Variants in DCLK3 observed in about 807,000 individuals in gnomAD.
The protein encoded by DCLK3 is serine/threonine-protein kinase DCLK3.
Under a neutral mutation model 46.4 loss-of-function variants are expected in DCLK3, and 30 were observed. The observed-to-expected ratio is 0.65, with a 90% CI of 0.48 to 0.88. DCLK3 has a LOEUF of 0.88. Ranked by LOEUF, DCLK3 falls within the 40% of genes least tolerant of loss-of-function variation. The pLI is 0.00. For synonymous variants in DCLK3, 401 were observed against 339.2 expected (o/e 1.18, Z -2.00); for missense variants, 846 against 907.1 (o/e 0.93, Z 0.87).
At chr3:36,752,393 T>C (rs191874611) in intron 1 of DCLK3, among the ~76,000 whole-genome samples, 4 of 152,186 alleles carry the variant, frequency 2.6e-5, no homozygotes, top group African/African-American at 7.2e-5. Context: ...AATAATTACA[T>C]GCACAAGAAT....
At chr3:36,750,499 T>C (rs1053311077) in intron 1 of DCLK3, among the ~76,000 whole-genome samples, 1 of 152,232 alleles carries the variant, frequency 6.6e-6, no homozygotes, top group Non-Finnish European at 1.5e-5. Flanking sequence ...CCATAAATAG[T>C]TAAGACATGA....
chr3:36,743,683 A>G (rs1281319496), intron 1 of DCLK3, among the ~76,000 whole-genome samples: 1 of 152,202 alleles, frequency 6.6e-6, no homozygotes, highest in Non-Finnish European at 1.5e-5. Context: ...TCTCTCCTCA[A>G]TGCCAATCTA....
At position 36,713,213 on chromosome 3, in the gene DCLK3, A is replaced by C. The variant is rs1185215436; in HGVS notation, c.*2115T>G. 1 of 152,220 alleles carries C rather than the reference A, an allele frequency of 6.6e-6. No individual in the cohort carries two copies. Among genetic ancestry groups the C allele is most frequent in the African/African-American group, 2.4e-5 (1 of 41,446 alleles). The allele number at this position is 152,220 out of a possible 1,614,324, so 9.4% of individuals were successfully genotyped here. On this transcript the variant is annotated 3_prime_UTR_variant, in exon 5 of 5. Coordinates refer to ENST00000636136, the MANE Select transcript of DCLK3 (RefSeq NM_001394672.2). ...CACTAAGGATGCAACTACAGCTTTT[A>C]GCAACTGGAAGAAGACTGAATCTAT...
chr3:36,737,341 A>G lies in DCLK3; in HGVS notation c.1826T>C (p.Phe609Ser). ...ILEYVQGGDL[F>S]DAIIESVKFP... Reference sequence around the variant, plus strand: ...CTTCACACTTTCTATGATGGCGTCAAAAAGGTCTCCTCCCTGCACGTACTC... The same window carrying G: ...CTTCACACTTTCTATGATGGCGTCAGAAAGGTCTCCTCCCTGCACGTACTC... Residue 609 changes from phenylalanine (F) to serine (S), a missense_variant, in exon 2 of 5, where the codon TTT (phenylalanine) becomes TCT (serine). Around this residue, in one of 3 missense-constraint regions of DCLK3, gnomAD observed 247 missense variants for 322.8 expected, o/e 0.77. Transcript: ENST00000636136. This position sits in a 1 kb window ranked among gnomAD's most constrained non-coding sequence, Gnocchi z 4.4. 6.2e-7 allele frequency: 1 copy of G among 1,614,152 alleles called. No homozygotes were observed. Among genetic ancestry groups the G allele is most frequent in the East Asian group, 2.2e-5 (1 of 44,878 alleles).
intron 1 of DCLK3, among the ~76,000 whole-genome samples, chr3:36,757,248 A>G (rs1701493538): frequency 6.6e-6 from 1 of 152,086 alleles, no homozygotes; most frequent in Non-Finnish European, 1.5e-5. Flanking sequence ...CCCAAAGTGC[A>G]GTGTTTCCAT....
At chr3:36,756,034 A>G (rs925199490) in intron 1 of DCLK3, among the ~76,000 whole-genome samples, 3 of 152,164 alleles carry the variant, frequency 2.0e-5, no homozygotes, top group African/African-American at 7.2e-5. Context: ...CAACCACCCC[A>G]AAAGATTCCT....
intron 1 of DCLK3, among the ~76,000 whole-genome samples, chr3:36,760,952 G>A (rs904004532): frequency 2.6e-5 from 4 of 152,218 alleles, no homozygotes; most frequent in African/African-American, 9.7e-5. Flanking sequence ...ATCTCGCTCA[G>A]GATCACATGG....
At chr3:36,751,414 G>A (rs966005132) in intron 1 of DCLK3, among the ~76,000 whole-genome samples, 1 of 152,242 alleles carries the variant, frequency 6.6e-6, no homozygotes, top group Non-Finnish European at 1.5e-5. Context: ...TGAGATGACA[G>A]GCATAAGGTT....
At chr3:36,729,643 C>G (rs1483523435) in intron 2 of DCLK3, 1 of 152,222 alleles carries the variant, frequency 6.6e-6, no homozygotes, top group Non-Finnish European at 1.5e-5. Context: ...ATTCTCATCT[C>G]TGAACAGAAG....
intron 1 of DCLK3, among the ~76,000 whole-genome samples, chr3:36,745,689 G>A (rs1054981222): frequency 6.6e-6 from 1 of 152,212 alleles, no homozygotes; most frequent in African/African-American, 2.4e-5. Context: ...TTCTGTGGAA[G>A]ATAGAGAAAG....
At chr3:36,763,894 G>GC (rs1046208407) in intron 1 of DCLK3, among the ~76,000 whole-genome samples, 3 of 152,164 alleles carry the variant, frequency 2.0e-5, no homozygotes, top group Non-Finnish European at 2.9e-5. Context: ...CCCAGGAAGG[G>GC]CCCCCCTGCT....
intron 4 of DCLK3, 88 bp from the exon 5 acceptor site, chr3:36,715,609 T>C (rs965488235): frequency 7.0e-6 from 10 of 1,419,984 alleles, no homozygotes; most frequent in African/African-American, 1.4e-5. Context: ...ACATAAACAT[T>C]CACGTCAGCA....
At chr3:36,720,128 T>C (rs963525635) in intron 3 of DCLK3, among the ~76,000 whole-genome samples, 6 of 152,226 alleles carry the variant, frequency 3.9e-5, no homozygotes, top group African/African-American at 1.4e-4. Flanking sequence ...TACCATCCCC[T>C]TGGTGACAAG....
chr3:36,761,270 A>T (rs1701536999), intron 1 of DCLK3, among the ~76,000 whole-genome samples: 1 of 152,192 alleles, frequency 6.6e-6, no homozygotes, highest in Non-Finnish European at 1.5e-5. Flanking sequence ...CCATGAAAAT[A>T]TTTCCCCTTT....
At chr3:36,755,897 T>C (rs1045587932) in intron 1 of DCLK3, among the ~76,000 whole-genome samples, 7 of 152,170 alleles carry the variant, frequency 4.6e-5, no homozygotes, top group Non-Finnish European at 8.8e-5. Context: ...GCACATGGCC[T>C]CCAAGGTGGC....
intron 1 of DCLK3, among the ~76,000 whole-genome samples, chr3:36,749,629 A>G (rs1701422086): frequency 6.6e-6 from 1 of 152,210 alleles, no homozygotes; most frequent in Non-Finnish European, 1.5e-5. Context: ...GAAGACTCTC[A>G]CACCTCGTTT....
chr3:36,743,952 C>T (rs938090501), intron 1 of DCLK3, among the ~76,000 whole-genome samples: 3 of 152,228 alleles, frequency 2.0e-5, no homozygotes, highest in Non-Finnish European at 2.9e-5. Context: ...GCTCCCTCCC[C>T]TGAAGACCTG....
chr3:36,739,642 A>C (rs1701323152), intron 1 of DCLK3, among the ~76,000 whole-genome samples: 1 of 152,154 alleles, frequency 6.6e-6, no homozygotes. Flanking sequence ...AGCCACGTGG[A>C]ACTAACTGTA....
Position 36,730,191 on chromosome 3 carries a change from T to C in DCLK3, c.1959+7017A>G, listed in dbSNP as rs201153059. Among the ~76,000 whole-genome samples the C allele has an allele frequency of 2.7e-3, 295 of 108,960 alleles. 4 individuals are homozygous for C. The East Asian group carries it at 0.049, about 18-fold the overall frequency. The allele number at this position is 108,960 out of a possible 152,430, so 71.5% of individuals were successfully genotyped here. A position where few individuals can be genotyped will look rare whatever the true frequency, so the allele number is the denominator to read the frequency against. On this transcript the variant is annotated intron_variant, in intron 2 of 4. Transcript: ENST00000636136. ...TCAAAATATATGTACATACACCATA[T>C]ATACACACACACACACACACACACA...
Sources: allele counts gnomAD v4.1 joint callset (sites outside exome capture counted in the v4.1 genomes callset), GRCh38; gene constraint gnomAD v4.1.1; regional missense constraint gnomAD v4.1.1; non-coding constraint Gnocchi (gnomAD v3.1); transcripts MANE v1.5; gene names NCBI Gene and HGNC (gene_info 2026-07-23, HGNC 2026-07-21).